The following TMLHE variants were observed in gnomAD, a reference collection of about 807,000 sequenced individuals.
TMLHE encodes trimethyllysine hydroxylase, epsilon.
A neutral mutation model predicts 25.7 loss-of-function variants in TMLHE; 18 were observed. The ratio of observed to expected loss-of-function variants is 0.70; its 90% CI spans 0.48 to 1.04. The LOEUF is 1.04. TMLHE is among the 50% of genes least tolerant of loss of function. The pLI is 0.00. For synonymous variants in TMLHE, 105 were observed against 97.0 expected (o/e 1.08, Z -0.49); for missense variants, 236 against 259.0 (o/e 0.91, Z 0.61).
intron 6 of TMLHE, among the ~76,000 whole-genome samples, chrX:155,505,740 C>T (rs1459970384): frequency 4.5e-5 from 5 of 111,167 alleles, no homozygotes; most frequent in African/African-American, 1.6e-4. Context: ...ATTACTCTGT[C>T]GTCACTATAA....
chrX:155,604,528 G>T (rs782759867), intron 1 of TMLHE, among the ~76,000 whole-genome samples: 3 of 111,669 alleles, frequency 2.7e-5, no homozygotes, highest in African/African-American at 9.8e-5. Flanking sequence ...AATTGCCACT[G>T]CCAAGGTCCC....
intron 1 of TMLHE, among the ~76,000 whole-genome samples, chrX:155,596,960 G>A (rs1415288054): frequency 2.8e-5 from 3 of 108,439 alleles, no homozygotes; most frequent in Admixed American, 2.0e-4. Flanking sequence ...CATGTGCCAT[G>A]TTGGCGTGCT....
At chrX:155,594,645 T>A (rs1249480905) in intron 1 of TMLHE, among the ~76,000 whole-genome samples, 1 of 112,045 alleles carries the variant, frequency 8.9e-6, no homozygotes, top group East Asian at 2.8e-4. Flanking sequence ...AAGTCAAAAC[T>A]ATGAAAAATA....
At chrX:155,572,383 T>C (rs1603074951) in intron 1 of TMLHE, among the ~76,000 whole-genome samples, 1 of 55,277 alleles carries the variant, frequency 1.8e-5, no homozygotes, top group African/African-American at 4.4e-5. Context: ...GTAGGAAGAA[T>C]CAATATCGTG....
At chrX:155,559,622 T>C (rs1224895488) in intron 1 of TMLHE, among the ~76,000 whole-genome samples, 2 of 112,110 alleles carry the variant, frequency 1.8e-5, no homozygotes, top group Non-Finnish European at 3.8e-5. Context: ...AATTACATAA[T>C]AGGTCAATCT....
At chrX:155,541,133 G>A (rs184768421) in intron 2 of TMLHE, among the ~76,000 whole-genome samples, 63 of 110,484 alleles carry the variant, frequency 5.7e-4, no homozygotes, top group Non-Finnish European at 1.2e-3. Flanking sequence ...AGCCATGGTG[G>A]TTTGCTGCAC....
chrX:155,610,825 C>T (rs1231317500), intron 1 of TMLHE, among the ~76,000 whole-genome samples: 4 of 109,859 alleles, frequency 3.6e-5, no homozygotes, highest in African/African-American at 1.3e-4. Context: ...GGTGAGGAGG[C>T]CTCAGACTGA....
chrX:155,599,993 T>G (rs1405211598), intron 1 of TMLHE, among the ~76,000 whole-genome samples: 1 of 111,428 alleles, frequency 9.0e-6, no homozygotes, highest in Non-Finnish European at 1.9e-5. Flanking sequence ...AATATTAACC[T>G]TGACATGCCT....
intron 4 of TMLHE, among the ~76,000 whole-genome samples, chrX:155,513,605 G>GGTGT (rs781866085): frequency 1.6e-4 from 17 of 106,460 alleles, no homozygotes; most frequent in African/African-American, 4.4e-4. Flanking sequence ...GGGTCGAGGG[G>GGTGT]GTGTGTGTGT....
chrX:155,545,399 TAAAC>T, intron 1 of TMLHE, 122 bp from the exon 2 acceptor site: 1 of 544,022 alleles, frequency 1.8e-6, no homozygotes, highest in Non-Finnish European at 2.6e-6. Flanking sequence ...TACAGAGGAT[TAAAC>T]AAAGGAGAAA....
chrX:155,514,254 GACC>G lies in TMLHE; in HGVS notation c.367_369del (p.Gly123del), dbSNP rs1341797100. ...CAATTCAAATCATATTTAGTCACATGACCATCTGGCCCTTTTAAGGGGAAAAAT... is the reference window on the plus strand; with the variant it reads ...CAATTCAAATCATATTTAGTCACATGATCTGGCCCTTTTAAGGGGAAAAAT... On this transcript the variant is annotated inframe_deletion, in exon 4 of 8. Transcript: ENST00000334398. 1 of 1,200,851 alleles carries G rather than the reference GACC, an allele frequency of 8.3e-7. No homozygotes were observed. The highest frequency in any genetic ancestry group is 1.1e-6 in the Non-Finnish European group (1 of 889,211).
chrX:155,549,971 G>C (rs1221090129), intron 1 of TMLHE, among the ~76,000 whole-genome samples: 1 of 109,705 alleles, frequency 9.1e-6, no homozygotes, highest in Non-Finnish European at 1.9e-5. Flanking sequence ...GAGAACACGT[G>C]GTGTTTGGTT....
At chrX:155,607,958 C>G (rs1234753839) in intron 1 of TMLHE, among the ~76,000 whole-genome samples, 3 of 111,652 alleles carry the variant, frequency 2.7e-5, no homozygotes, top group Non-Finnish European at 5.7e-5. Context: ...TAGGAAGAAT[C>G]AATATTGTTA....
At chrX:155,581,811 T>G (rs1295862085) in intron 1 of TMLHE, among the ~76,000 whole-genome samples, 1 of 111,738 alleles carries the variant, frequency 8.9e-6, no homozygotes, top group Non-Finnish European at 1.9e-5. Flanking sequence ...TTCACAGAAA[T>G]TGAAAAAACT....
At chrX:155,549,018 C>T (rs1347769546) in intron 1 of TMLHE, among the ~76,000 whole-genome samples, 1 of 110,866 alleles carries the variant, frequency 9.0e-6, no homozygotes, top group Non-Finnish European at 1.9e-5. Context: ...TGTGCTATTA[C>T]AAGCAGCATT....
At chrX:155,511,605 ATAAT>A (rs2067113443) in intron 5 of TMLHE, 64 bp downstream of exon 5, 1 of 1,072,975 alleles carries the variant, frequency 9.3e-7, no homozygotes, top group Non-Finnish European at 1.2e-6. Flanking sequence ...AGAATGGAAA[ATAAT>A]TAAGAAACCA....
intron 1 of TMLHE, among the ~76,000 whole-genome samples, chrX:155,611,193 T>G (rs2067818724): frequency 9.0e-6 from 1 of 110,662 alleles, no homozygotes; most frequent in Admixed American, 9.6e-5. Flanking sequence ...GCAGGCTGGG[T>G]TTTTTCAAGA....
intron 1 of TMLHE, among the ~76,000 whole-genome samples, chrX:155,574,694 T>C (rs189541721): frequency 1.8e-5 from 2 of 111,113 alleles, no homozygotes; most frequent in African/African-American, 6.5e-5. Flanking sequence ...AAATAAACCA[T>C]GTTTAATGAA....
intron 1 of TMLHE, among the ~76,000 whole-genome samples, chrX:155,597,546 C>T (rs782016259): frequency 2.0e-4 from 22 of 111,791 alleles, no homozygotes; most frequent in South Asian, 1.1e-3. Context: ...CACATGCACA[C>T]GTATGTTTAT....
Sources: allele counts gnomAD v4.1 joint callset (sites outside exome capture counted in the v4.1 genomes callset), GRCh38; gene constraint gnomAD v4.1.1; transcripts MANE v1.5; gene names NCBI Gene and HGNC (gene_info 2026-07-23, HGNC 2026-07-21).